The following CXCL3 variants were observed in gnomAD, a reference collection of about 807,000 sequenced individuals.
CXCL3 encodes the protein C-X-C motif chemokine 3.
In CXCL3, 10 loss-of-function variants were observed where a neutral mutation model predicts 11.5. That is an observed-to-expected ratio of 0.87 (90% CI 0.54 to 1.48). CXCL3 has a LOEUF of 1.48. CXCL3 is among the 40% of genes most tolerant of loss of function. The pLI is 0.00. For missense variants in CXCL3, 149 were observed against 139.1 expected, an observed-to-expected ratio of 1.07 and a Z score of -0.36; for synonymous variants, 61 against 60.9, an observed-to-expected ratio of 1.00 and a Z score of -0.01.
chr4:74,036,681 G>A lies in CXCL3; in HGVS notation c.*581C>T, dbSNP rs1380550689. On this transcript the variant is annotated 3_prime_UTR_variant, in exon 4 of 4. Transcript: ENST00000296026. ...TTCCAAGGGAAAGAGAAACGCTGCA[G>A]AATGGACATTAAACAAGGCATTATG... 6.6e-6 allele frequency: 1 copy of A among 152,094 alleles called. No homozygotes were observed. The highest frequency in any genetic ancestry group is 2.4e-5 in the African/African-American group (1 of 41,414). 9.4% of individuals were successfully genotyped at this position (152,094 alleles called of 1,614,324 possible).
At chr4:74,037,896 A>C in intron 3 of CXCL3, 197 bp downstream of exon 3, 1 of 601,518 alleles carries the variant, frequency 1.7e-6, no homozygotes, top group Non-Finnish European at 2.8e-6. Context: ...AATGGAAGAC[A>C]CTGAAATACT....
Position 74,038,130 on chromosome 4 carries a change from G to T in CXCL3, c.271C>A (p.Pro91Thr). The T allele has an allele frequency of 6.2e-7, 1 of 1,614,118 alleles. No homozygotes were observed. The highest frequency in any genetic ancestry group is 8.5e-7 in the Non-Finnish European group (1 of 1,180,008). Residue 91 changes from proline (P) to threonine (T), a missense_variant, in exon 3 of 4, where the codon CCC becomes ACC. Transcript: ENST00000296026. ...GKKACLNPAS[P>T]MVQKIIEKIL... The stretch of plus-strand genomic sequence containing the variant: ...TTTTCGATGATTTTCTGAACCATGG[G>T]GGATGCGGGGTTGAGACAAGCTTTC...
intron 3 of CXCL3, 38 bp downstream of exon 3, chr4:74,038,055 G>C: frequency 6.2e-7 from 1 of 1,605,532 alleles, no homozygotes; most frequent in Non-Finnish European, 8.5e-7. Context: ...TCTGACCAAC[G>C]GCTCCAGTCG....
chr4:74,037,212 C>T lies in CXCL3; in HGVS notation c.*50G>A. 3.7e-6 allele frequency: 6 copies of T among 1,612,548 alleles called. No individual in the cohort carries two copies. Among genetic ancestry groups the T allele is most frequent in the Non-Finnish European group, 4.2e-6 (5 of 1,178,734 alleles). On this transcript the variant is annotated 3_prime_UTR_variant, in exon 4 of 4. Coordinates refer to ENST00000296026, the MANE Select transcript of CXCL3 (RefSeq NM_002090.3). Reference sequence around the variant, plus strand: ...CAGCTCTGGTAAGGGCAGGGACCACCCTGCAGGAAGTGTCAATGATACGCT... The same window carrying T: ...CAGCTCTGGTAAGGGCAGGGACCACTCTGCAGGAAGTGTCAATGATACGCT...
intron 3 of CXCL3, chr4:74,037,577 C>G (rs924216584): frequency 5.1e-5 from 21 of 408,292 alleles, no homozygotes; most frequent in African/African-American, 4.1e-4. Flanking sequence ...CTCCCTTAAG[C>G]TGCACACAAC....
At chr4:74,037,461 T>TTC (rs1720020770) in intron 3 of CXCL3, 184 bp from the exon 4 acceptor site, 2 of 622,824 alleles carry the variant, frequency 3.2e-6, no homozygotes, top group Non-Finnish European at 5.5e-6. Flanking sequence ...TTTTTTTTTT[T>TTC]TTCAAGAAAG....
At position 74,038,539 on chromosome 4, in the gene CXCL3, G is replaced by A. The variant is rs1720052558; in HGVS notation, c.73C>T (p.Leu25=). 1.3e-6 allele frequency: 2 copies of A among 1,487,482 alleles called. No homozygotes were observed. Among genetic ancestry groups the A allele is most frequent in the Non-Finnish European group, 1.8e-6 (2 of 1,121,048 alleles). 92.1% of individuals were successfully genotyped at this position (1,487,482 alleles called of 1,614,324 possible). Residue 25 remains leucine, a synonymous_variant, in exon 1 of 4, where the codon CTG becomes TTG. Coordinates refer to ENST00000296026, the MANE Select transcript of CXCL3 (RefSeq NM_002090.3). The part of the protein sequence containing the change: ...LLRVALLLLL[L]VAASRRAAGA... The stretch of plus-strand genomic sequence containing the variant: ...GCTGCGCGCCGGCTGGCGGCCACCA[G>A]GAGCAGGAGCAGCAGCGCCACCCGC...
chr4:74,038,063 T>C, intron 3 of CXCL3, 30 bp downstream of exon 3: 1 of 1,610,960 alleles, frequency 6.2e-7, no homozygotes, highest in South Asian at 1.1e-5. Flanking sequence ...ACGGCTCCAG[T>C]CGCCTGTGTA....
chr4:74,038,343 G>T lies in CXCL3; in HGVS notation c.171C>A (p.Ile57=), dbSNP rs984089538. 3 of 1,614,076 alleles carry T rather than the reference G, an allele frequency of 1.9e-6. No homozygotes were observed. In the South Asian group the frequency reaches 3.3e-5, roughly 18 times the overall value. The part of the protein sequence containing the change: ...QTLQGIHLKN[I]QSVNVRSPGP... The stretch of plus-strand genomic sequence containing the variant: ...CGGGGGACCTTACATTCACACTTTG[G>T]ATGTTCTTGAGGTGAATTCCCTGCA... The change falls in exon 2 of 4, where the codon ATC becomes ATA. Residue 57 remains isoleucine (I), a synonymous_variant. Transcript: ENST00000296026.
chr4:74,038,322 G>A lies in CXCL3; in HGVS notation c.192C>T (p.Ser64=), dbSNP rs760736689. 1.2e-6 allele frequency: 2 copies of A among 1,614,122 alleles called. No homozygotes were observed. Among genetic ancestry groups the A allele is most frequent in the Admixed American group, 1.7e-5 (1 of 60,024 alleles). ...LKNIQSVNVR[S]PGPHCAQTEV... ...CGGTTTGGGCGCAGTGGGGTCCGGG[G>A]GACCTTACATTCACACTTTGGATGT... Residue 64 remains serine (S), a synonymous_variant, in exon 2 of 4, where the codon TCC becomes TCT. Transcript: ENST00000296026.
At chr4:74,037,351 G>C (rs1262940254) in intron 3 of CXCL3, 74 bp from the exon 4 acceptor site, 41 of 1,583,064 alleles carry the variant, frequency 2.6e-5, no homozygotes, top group Non-Finnish European at 3.5e-5. Context: ...GTTGCTTGGA[G>C]GGATGTCCCC....
At chr4:74,037,354 A>T (rs373102878) in intron 3 of CXCL3, 77 bp from the exon 4 acceptor site, 78 of 1,550,834 alleles carry the variant, frequency 5.0e-5, no homozygotes, top group Non-Finnish European at 6.7e-5. Context: ...GCTTGGAGGG[A>T]TGTCCCCATG....
chr4:74,038,017 T>A, intron 3 of CXCL3, 76 bp downstream of exon 3: 2 of 1,474,184 alleles, frequency 1.4e-6, no homozygotes, highest in South Asian at 1.2e-5. Flanking sequence ...TTCCCTGATT[T>A]TATTTTTAGG....
chr4:74,037,070 A>T lies in CXCL3; in HGVS notation c.*192T>A. 1 of 567,376 alleles carries T rather than the reference A, an allele frequency of 1.8e-6. No homozygotes were observed. Among genetic ancestry groups the T allele is most frequent in the Non-Finnish European group, 3.1e-6 (1 of 323,268 alleles). 35.1% of individuals were successfully genotyped at this position (567,376 alleles called of 1,614,324 possible). On this transcript the variant is annotated 3_prime_UTR_variant, in exon 4 of 4. Transcript: ENST00000296026. ...TTTAAATAACAGCATGTAAAATATT[A>T]AAATACAAGCTTTCAAAAATAAATA...
Position 74,037,388 on chromosome 4 carries a change from T to A in CXCL3, c.309-111A>T, listed in dbSNP as rs1249288130. ...TGCAGACTCTCTCCCAGCCCTCCAC[T>A]CAGGGAAGGTCTGTCTGTACCCACT... is the stretch of plus-strand genomic sequence containing the variant. On this transcript the variant is annotated intron_variant, in intron 3 of 3. Coordinates refer to ENST00000296026, the MANE Select transcript of CXCL3 (RefSeq NM_002090.3). The A allele has an allele frequency of 2.3e-6, 3 of 1,280,116 alleles. No individual in the cohort carries two copies. In the African/African-American group the frequency reaches 4.4e-5, roughly 19 times the overall value. The allele number at this position is 1,280,116 out of a possible 1,614,324, so 79.3% of individuals were successfully genotyped here.
At position 74,038,099 on chromosome 4, in the gene CXCL3, A is replaced by G. The variant is rs749486824; in HGVS notation, c.302T>C (p.Leu101Pro). 1.2e-6 allele frequency: 2 copies of G among 1,613,956 alleles called. No homozygotes were observed. The highest frequency in any genetic ancestry group is 8.5e-7 in the Non-Finnish European group (1 of 1,179,982). Reference sequence around the variant, plus strand: ...TATGGAAATTACAACTCACTTGTTCAGTATCTTTTCGATGATTTTCTGAAC... The same window carrying G: ...TATGGAAATTACAACTCACTTGTTCGGTATCTTTTCGATGATTTTCTGAAC... ...PMVQKIIEKI[L>P]NKGSTN Residue 101 changes from leucine to proline, a missense_variant, in exon 3 of 4, where the codon CTG (leucine) becomes CCG (proline). Physicochemically the swap from Leu to Pro is moderately conservative, Grantham distance 98. Coordinates refer to ENST00000296026, the MANE Select transcript of CXCL3 (RefSeq NM_002090.3).
chr4:74,037,166 T>C lies in CXCL3; in HGVS notation c.*96A>G, dbSNP rs1245458677. ...TCCTTTCCAGCTGTCCCTAGAAAGC[T>C]GCTGTTCTCTTTTTCATTTTCAGCT... is the stretch of plus-strand genomic sequence containing the variant. On this transcript the variant is annotated 3_prime_UTR_variant, in exon 4 of 4. Transcript: ENST00000296026. 7.2e-7 allele frequency: 1 copy of C among 1,396,422 alleles called. No individual in the cohort carries two copies. Among genetic ancestry groups the C allele is most frequent in the Non-Finnish European group, 1.0e-6 (1 of 990,334 alleles). 86.5% of individuals were successfully genotyped at this position (1,396,422 alleles called of 1,614,324 possible).
Position 74,037,186 on chromosome 4 carries a change from T to C in CXCL3, c.*76A>G. 2 of 1,562,322 alleles carry C rather than the reference T, an allele frequency of 1.3e-6. No individual in the cohort carries two copies. Among genetic ancestry groups the C allele is most frequent in the Non-Finnish European group, 1.8e-6 (2 of 1,138,096 alleles). ...AAAGCTGCTGTTCTCTTTTTCATTT[T>C]CAGCTCTGGTAAGGGCAGGGACCAC... On this transcript the variant is annotated 3_prime_UTR_variant, in exon 4 of 4. Coordinates refer to ENST00000296026, the MANE Select transcript of CXCL3 (RefSeq NM_002090.3).
At position 74,038,542 on chromosome 4, in the gene CXCL3, G is replaced by A. The variant is rs1200631871; in HGVS notation, c.70C>T (p.Leu24Phe). Residue 24 changes from leucine (L) to phenylalanine (F), a missense_variant, in exon 1 of 4, where the codon CTC becomes TTC. Coordinates refer to ENST00000296026, the MANE Select transcript of CXCL3 (RefSeq NM_002090.3). ...RLLRVALLLLLLVAASRRAAG... is the reference protein window; with the variant it reads ...RLLRVALLLLFLVAASRRAAG... ...GCGCGCCGGCTGGCGGCCACCAGGA[G>A]CAGGAGCAGCAGCGCCACCCGCAGG... 2 of 1,490,506 alleles carry A rather than the reference G, an allele frequency of 1.3e-6. No homozygotes were observed. Among genetic ancestry groups the A allele is most frequent in the Admixed American group, 2.4e-5 (1 of 42,300 alleles). 92.3% of individuals were successfully genotyped at this position (1,490,506 alleles called of 1,614,324 possible). A position where few individuals can be genotyped will look rare whatever the true frequency, so the allele number is the denominator to read the frequency against.
Sources: allele counts gnomAD v4.1 joint callset, GRCh38; gene constraint gnomAD v4.1.1; transcripts MANE v1.5; gene names NCBI Gene and HGNC (gene_info 2026-07-23, HGNC 2026-07-21).